LUZP1: variants seen among roughly 807,000 people sequenced by gnomAD.
LUZP1 encodes filamin mechanobinding actin cross-linking protein.
Under a neutral mutation model 71.3 loss-of-function variants are expected in LUZP1, and 25 were observed. That is an observed-to-expected ratio of 0.35 (90% confidence interval 0.26 to 0.49). The LOEUF (loss-of-function observed/expected upper bound fraction) is 0.49, where lower values mean the gene tolerates loss of function less well. Ranked by LOEUF, LUZP1 falls within the 20% of genes least tolerant of loss-of-function variation. The pLI, the probability that LUZP1 is intolerant of heterozygous loss-of-function variation, is 0.99. For synonymous variants in LUZP1, 481 were observed against 506.4 expected (o/e 0.95, Z 0.67); for missense variants, 1,142 against 1,300.8 (o/e 0.88, Z 1.88).
Position 23,150,548 on chromosome 1 carries a change from CAG to C in LUZP1, c.-226+18216_-226+18217del, listed in dbSNP as rs537576010. On this transcript the variant is annotated intron_variant, in intron 2 of 4. Coordinates refer to ENST00000302291, the Ensembl canonical transcript of LUZP1. ...TGTGCACAGGTTCTACCAGACCCAG[CAG>C]AAACAGGTAGTAAAGGGACATCAAG... 1.1e-4 allele frequency among the ~76,000 whole-genome samples: 17 copies of C among 152,170 alleles called. No homozygotes were observed. In the South Asian group the frequency reaches 2.9e-3, roughly 26 times the overall value.
At chr1:23,145,267 A>G (rs1470324451) in intron 2 of LUZP1, among the ~76,000 whole-genome samples, 6 of 152,076 alleles carry the variant, frequency 3.9e-5, no homozygotes, top group Non-Finnish European at 8.8e-5. Context: ...GTAAAACAAG[A>G]CTTACTATAA....
At chr1:23,161,244 T>C (rs1644461931) in intron 2 of LUZP1, among the ~76,000 whole-genome samples, 1 of 152,184 alleles carries the variant, frequency 6.6e-6, no homozygotes, top group African/African-American at 2.4e-5. Context: ...CACGCAGATA[T>C]ATAATCATAA....
chr1:23,172,253 TGTTAA>T (rs1473050959), intron 1 of LUZP1, among the ~76,000 whole-genome samples: 1 of 152,194 alleles, frequency 6.6e-6, no homozygotes, highest in African/African-American at 2.4e-5. Context: ...TATTGGGCAT[TGTTAA>T]GTGAAAAGAG....
At chr1:23,103,500 C>T (rs941231772) in intron 3 of LUZP1, among the ~76,000 whole-genome samples, 3 of 151,942 alleles carry the variant, frequency 2.0e-5, no homozygotes, top group Admixed American at 6.6e-5. Flanking sequence ...TCAATGCGGA[C>T]GTTATCTAGC....
intron 2 of LUZP1, among the ~76,000 whole-genome samples, chr1:23,162,436 A>G (rs1644475129): frequency 6.6e-6 from 1 of 150,794 alleles, no homozygotes; most frequent in Non-Finnish European, 1.5e-5. Context: ...AACGTAATAT[A>G]CTTTTATTTT....
At chr1:23,159,889 G>A (rs908899753) in intron 2 of LUZP1, among the ~76,000 whole-genome samples, 1 of 152,218 alleles carries the variant, frequency 6.6e-6, no homozygotes, top group Non-Finnish European at 1.5e-5. Flanking sequence ...GGGAGGCTGA[G>A]ACAGAAGAAT....
Position 23,093,400 on chromosome 1 carries a change from C to T in LUZP1, c.862G>A (p.Val288Ile). 6.2e-7 allele frequency: 1 copy of T among 1,613,902 alleles called. No individual in the cohort carries two copies. The highest frequency in any genetic ancestry group is 1.1e-5 in the South Asian group (1 of 90,968). ...TCAATCTCTTGGTTAAGGTCTTTGA[C>T]TTTGTTGTCTTCCTGATTGCGGTTC... The change falls in exon 4 of 5, where the codon GTC (valine) becomes ATC (isoleucine). Residue 288 changes from valine (V) to isoleucine (I), a missense_variant. Val to Ile is a conservative substitution (Grantham distance 29, BLOSUM62 3). Transcript: ENST00000302291. This position sits in a 1 kb window ranked among gnomAD's most constrained non-coding sequence, Gnocchi z 4.2.
At chr1:23,130,895 G>A (rs372351859) in intron 2 of LUZP1, among the ~76,000 whole-genome samples, 9 of 151,880 alleles carry the variant, frequency 5.9e-5, no homozygotes, top group African/African-American at 2.2e-4. Context: ...GGGTCCTCAC[G>A]TCAGCCAGCT....
rs925128199 is a variant in LUZP1 at position 23,151,743 on chromosome 1, G to A, written c.-226+17023C>T. Among the ~76,000 whole-genome samples the A allele has an allele frequency of 4.5e-4, 69 of 152,078 alleles. 1 individual carries two copies. The highest frequency in any genetic ancestry group is 8.8e-5 in the Non-Finnish European group (6 of 68,014). On this transcript the variant is annotated intron_variant, in intron 2 of 4. Coordinates refer to ENST00000302291, the Ensembl canonical transcript of LUZP1. The stretch of plus-strand genomic sequence containing the variant: ...ATAATGGCCAGGTGCAGTGGCTCAC[G>A]CCTGTAATCCCTGCACTTGGGAGGC...
At chr1:23,132,696 GAT>G (rs1157526061) in intron 2 of LUZP1, among the ~76,000 whole-genome samples, 1 of 152,154 alleles carries the variant, frequency 6.6e-6, no homozygotes, top group Non-Finnish European at 1.5e-5. Context: ...AATTTGTTGT[GAT>G]ATATATAGAG....
At chr1:23,117,496 T>G (rs902561866) in intron 2 of LUZP1, among the ~76,000 whole-genome samples, 4 of 9,892 alleles carry the variant, frequency 4.0e-4, no homozygotes, top group African/African-American at 9.5e-4. Context: ...CCCCCCACAA[T>G]CAGGAAGCCC....
At chr1:23,084,985 A>ATTGG (rs1406245661) in exon 5 of LUZP1, 1 of 152,668 alleles carries the variant, frequency 6.6e-6, no homozygotes, top group Admixed American at 6.5e-5. Flanking sequence ...AGGGAGCTTT[A>ATTGG]TTGGTTACAT....
At chr1:23,083,939 A>C (rs1643706779), downstream of LUZP1, 1 of 152,058 alleles carries the variant, frequency 6.6e-6, no homozygotes, top group Middle Eastern at 3.4e-3. Flanking sequence ...GTGGGGGTGG[A>C]GTGTGGTGGT....
intron 3 of LUZP1, among the ~76,000 whole-genome samples, chr1:23,098,109 TG>T (rs1643903114): frequency 6.6e-6 from 1 of 152,214 alleles, no homozygotes; most frequent in African/African-American, 2.4e-5. Flanking sequence ...CTTGTTCAGC[TG>T]GCTGAACAGA....
intron 2 of LUZP1, among the ~76,000 whole-genome samples, chr1:23,140,128 A>T (rs1644291116): frequency 6.6e-6 from 1 of 151,978 alleles, no homozygotes; most frequent in African/African-American, 2.4e-5. Flanking sequence ...CCAGGAGTCC[A>T]AGAGCCTTGC....
intron 2 of LUZP1, among the ~76,000 whole-genome samples, chr1:23,168,406 C>T (rs1015122276): frequency 1.4e-5 from 2 of 145,964 alleles, no homozygotes; most frequent in African/African-American, 5.1e-5. Context: ...GCCGCCCCCT[C>T]GAAAATGTCT....
At chr1:23,161,130 A>C (rs995848517) in intron 2 of LUZP1, among the ~76,000 whole-genome samples, 3 of 152,160 alleles carry the variant, frequency 2.0e-5, no homozygotes, top group African/African-American at 7.2e-5. Flanking sequence ...TTAAATACCT[A>C]CTCTATGTCA....
chr1:23,161,164 T>A (rs774608510), intron 2 of LUZP1, among the ~76,000 whole-genome samples: 1 of 152,206 alleles, frequency 6.6e-6, no homozygotes, highest in African/African-American at 2.4e-5. Context: ...GCACTAGAGA[T>A]ACACTGGAGA....
intron 2 of LUZP1, among the ~76,000 whole-genome samples, chr1:23,161,968 G>A (rs1198327523): frequency 7.0e-6 from 1 of 142,406 alleles, no homozygotes; most frequent in Non-Finnish European, 1.5e-5. Context: ...GGAGGTTGCA[G>A]TGAGCTGAGA....
Sources: gnomAD v4.1 joint callset for allele counts (sites outside exome capture counted in the v4.1 genomes callset) on GRCh38, gnomAD v4.1.1 for gene constraint, Gnocchi (gnomAD v3.1) non-coding constraint, MANE v1.5 for transcripts, NCBI Gene and HGNC (gene_info 2026-07-23, HGNC 2026-07-21) for gene names.